The following BMP7 variants were observed in gnomAD, a reference collection of about 807,000 sequenced individuals.
BMP7 encodes osteogenic protein 1.
Under a neutral mutation model 41.2 loss-of-function variants are expected in BMP7, and 12 were observed. The ratio of observed to expected loss-of-function variants is 0.29; its 90% CI spans 0.19 to 0.47. The LOEUF (loss-of-function observed/expected upper bound fraction) is 0.47, where lower values mean the gene tolerates loss of function less well. Ranked by LOEUF, BMP7 falls within the 20% of genes least tolerant of loss-of-function variation. The probability of loss-of-function intolerance (pLI) is 0.99; values close to 1 mark genes in which losing one functional copy is unlikely to be tolerated. For missense variants in BMP7, 467 were observed against 606.0 expected (o/e 0.77, Z 2.41); for synonymous variants, 248 against 250.0 (o/e 0.99, Z 0.07).
At chr20:57,199,545 C>A (rs565244424) in intron 3 of BMP7, among the ~76,000 whole-genome samples, 4 of 152,290 alleles carry the variant, frequency 2.6e-5, no homozygotes, top group Non-Finnish European at 4.4e-5. Context: ...CTCTGAGATC[C>A]CCCACGGTGG....
intron 2 of BMP7, among the ~76,000 whole-genome samples, chr20:57,208,416 G>C (rs1199275128): frequency 6.6e-6 from 1 of 152,166 alleles, no homozygotes; most frequent in Non-Finnish European, 1.5e-5. Flanking sequence ...AGGATGACTA[G>C]AGCCAAAACC....
Position 57,183,875 on chromosome 20 carries a change from C to T in BMP7, c.805G>A (p.Gly269Arg), listed in dbSNP as rs757024706. 1.8e-5 allele frequency: 29 copies of T among 1,614,012 alleles called. No individual in the cohort carries two copies. Among genetic ancestry groups the T allele is most frequent in the Middle Eastern group, 1.6e-4 (1 of 6,084 alleles). The change falls in exon 4 of 7, where the codon GGG becomes AGG. Residue 269 changes from glycine (G) to arginine (R), a missense_variant. Physicochemically the swap from Gly to Arg is moderately radical, Grantham distance 125. This residue lies in a region of BMP7 where 407 missense variants were observed against 485.9 expected (regional missense o/e 0.84). Coordinates refer to ENST00000395863, the MANE Select transcript of BMP7 (RefSeq NM_001719.3). ...ATGAAGGGCTGCTTGTTCTGGGGCC[C>T]GTGCCGCCCAATCAGGCCCGCCAAC... The part of the protein sequence containing the change: ...PKLAGLIGRH[G>R]PQNKQPFMVA...
At chr20:57,202,739 TC>T in intron 2 of BMP7, 116 bp from the exon 3 acceptor site, 1 of 1,257,032 alleles carries the variant, frequency 8.0e-7, no homozygotes, top group Non-Finnish European at 1.1e-6. Flanking sequence ...AGTCCACTGG[TC>T]CCCGACAAGT....
In BMP7 at chr20:57,261,168, C is replaced by T. The variant is rs893320664; in HGVS notation, c.418+4537G>A. Among the ~76,000 whole-genome samples, 8 of 152,136 alleles carry T rather than the reference C, an allele frequency of 5.3e-5. No homozygotes were observed. The highest frequency in any genetic ancestry group is 1.2e-4 in the African/African-American group (5 of 41,418). ...AGGCATTCCGGTGGTGAGGGGATCG[C>T]GCACCAGCTGTGTTTATCTCGGCAA... On this transcript the variant is annotated intron_variant, in intron 1 of 6. Coordinates refer to ENST00000395863, the MANE Select transcript of BMP7 (RefSeq NM_001719.3). This position sits in a 1 kb window ranked among gnomAD's most constrained non-coding sequence, Gnocchi z 4.1.
chr20:57,185,997 A>G (rs1355244401), intron 3 of BMP7, among the ~76,000 whole-genome samples: 1 of 151,216 alleles, frequency 6.6e-6, no homozygotes, highest in East Asian at 1.9e-4. Context: ...AGCTTTGCAT[A>G]CCCTAAGTAC....
chr20:57,181,018 C>T (rs1984067230), intron 4 of BMP7, among the ~76,000 whole-genome samples: 1 of 152,216 alleles, frequency 6.6e-6, no homozygotes, highest in South Asian at 2.1e-4. Flanking sequence ...CCCCTTGCTC[C>T]CCTTGGGTGC....
Position 57,219,043 on chromosome 20 carries a change from C to T in BMP7, c.611+9186G>A, listed in dbSNP as rs1020826855. ...TGTTTGTTTGGTGGTAGCTGGCGTT[C>T]GGTGGTAGCTGGCATTTGTTTGGTG... On this transcript the variant is annotated intron_variant, in intron 2 of 6. Coordinates refer to ENST00000395863, the MANE Select transcript of BMP7 (RefSeq NM_001719.3). Among the ~76,000 whole-genome samples the T allele has an allele frequency of 4.0e-3, 508 of 126,626 alleles. 30 individuals carry two copies. Among genetic ancestry groups the T allele is most frequent in the African/African-American group, 0.016 (479 of 30,216 alleles). The allele number at this position is 126,626 out of a possible 152,430, so 83.1% of individuals were successfully genotyped here.
intron 4 of BMP7, among the ~76,000 whole-genome samples, chr20:57,180,138 T>C (rs1420095886): frequency 6.6e-6 from 1 of 152,160 alleles, no homozygotes; most frequent in Non-Finnish European, 1.5e-5. Context: ...GCACCCACCC[T>C]GTTCCTCACC....
intron 2 of BMP7, among the ~76,000 whole-genome samples, chr20:57,205,990 G>T (rs1249753335): frequency 6.6e-6 from 1 of 152,150 alleles, no homozygotes; most frequent in Non-Finnish European, 1.5e-5. Flanking sequence ...CTTTCAGACT[G>T]AGAGCCCAGG....
intron 2 of BMP7, among the ~76,000 whole-genome samples, chr20:57,219,186 G>T (rs1366471636): frequency 1.4e-5 from 2 of 142,860 alleles, no homozygotes; most frequent in African/African-American, 3.1e-5. Context: ...GCTGGTGTTT[G>T]TTCAGTGGTA....
rs1444385724 is a variant in BMP7, at chr20:57,171,292, G to A, written c.1147-184C>T. Among the ~76,000 whole-genome samples the A allele has an allele frequency of 3.3e-5, 5 of 152,220 alleles. No individual in the cohort carries two copies. Among genetic ancestry groups the A allele is most frequent in the African/African-American group, 1.2e-4 (5 of 41,454 alleles). On this transcript the variant is annotated intron_variant, in intron 6 of 6. Coordinates refer to ENST00000395863, the MANE Select transcript of BMP7 (RefSeq NM_001719.3). The surrounding 1 kb of genome is among the most constrained non-coding windows in gnomAD (Gnocchi z 4.5). ...ACAACTCAGTTCTGGGATTATCCCT[G>A]TTTTGCAGACAAGGGAACCAAAGCA...
Position 57,215,687 on chromosome 20 carries a change from C to T in BMP7, c.611+12542G>A, listed in dbSNP as rs375051252. On this transcript the variant is annotated intron_variant, in intron 2 of 6. Coordinates refer to ENST00000395863, the MANE Select transcript of BMP7 (RefSeq NM_001719.3). This position sits in a 1 kb window ranked among gnomAD's most constrained non-coding sequence, Gnocchi z 4.2. ...GAAATCCCACACGGATGGGCAGCTGCCTGCATCTGGCACTGTGGAGGTGGG... is the reference window on the plus strand; with the variant it reads ...GAAATCCCACACGGATGGGCAGCTGTCTGCATCTGGCACTGTGGAGGTGGG... 3.3e-5 allele frequency: 5 copies of T among 151,646 alleles called. No individual in the cohort carries two copies. The highest frequency in any genetic ancestry group is 9.7e-5 in the African/African-American group (4 of 41,080). The allele number at this position is 151,646 out of a possible 1,614,324, so 9.4% of individuals were successfully genotyped here.
chr20:57,221,958 C>T (rs1373318585), intron 2 of BMP7, among the ~76,000 whole-genome samples: 2 of 152,166 alleles, frequency 1.3e-5, no homozygotes, highest in African/African-American at 4.8e-5. Context: ...ATCCCTTCTC[C>T]CAGCATAGAC....
At chr20:57,196,343 C>G (rs992656485) in intron 3 of BMP7, among the ~76,000 whole-genome samples, 9 of 152,224 alleles carry the variant, frequency 5.9e-5, no homozygotes, top group Non-Finnish European at 1.0e-4. Context: ...ATCTGCATGG[C>G]TTCACCCCTA....
intron 4 of BMP7, among the ~76,000 whole-genome samples, chr20:57,178,485 TG>T (rs1568703507): frequency 6.6e-6 from 1 of 152,042 alleles, no homozygotes; most frequent in Non-Finnish European, 1.5e-5. Flanking sequence ...GAACCAGCTC[TG>T]GGGCAGCAGG....
chr20:57,260,806 G>A (rs1294853145), intron 1 of BMP7, among the ~76,000 whole-genome samples: 1 of 152,246 alleles, frequency 6.6e-6, no homozygotes, highest in Admixed American at 6.5e-5. Context: ...TTAAGGCGAA[G>A]CCTTGCAGTG....
At chr20:57,243,965 A>G (rs1235988569) in intron 1 of BMP7, 2 of 147,752 alleles carry the variant, frequency 1.4e-5, no homozygotes, top group African/African-American at 2.4e-5. Flanking sequence ...GCCGGGCGAG[A>G]GGGCGAGTCT....
Position 57,261,226 on chromosome 20 carries a change from CCCAAA to C in BMP7, c.418+4474_418+4478del, listed in dbSNP as rs1370173863. Among the ~76,000 whole-genome samples, 1 of 152,110 alleles carries C rather than the reference CCCAAA, an allele frequency of 6.6e-6. No individual in the cohort carries two copies. Among genetic ancestry groups the C allele is most frequent in the Non-Finnish European group, 1.5e-5 (1 of 68,014 alleles). ...AGAGCCTACTACGCCATGGTAAAGCCCCAAACCGTAGCTTGAGAGGGCTGCATCTC... is the reference window on the plus strand; with the variant it reads ...AGAGCCTACTACGCCATGGTAAAGCCCCGTAGCTTGAGAGGGCTGCATCTC... On this transcript the variant is annotated intron_variant, in intron 1 of 6. Coordinates refer to ENST00000395863, the MANE Select transcript of BMP7 (RefSeq NM_001719.3). The surrounding 1 kb of genome is among the most constrained non-coding windows in gnomAD (Gnocchi z 4.1).
rs1009263887 is a variant in BMP7 at position 57,175,563 on chromosome 20, T to A, written c.959-556A>T. 5.9e-5 allele frequency among the ~76,000 whole-genome samples: 9 copies of A among 152,094 alleles called. 1 individual carries two copies. Among genetic ancestry groups the A allele is most frequent in the Admixed American group, 3.9e-4 (6 of 15,272 alleles). ...CTGATGACCTTTCAGAAGAAAACAC[T>A]CCCGAGGTTTCTTTGAGTAGTGAAA... On this transcript the variant is annotated intron_variant, in intron 4 of 6. Coordinates refer to ENST00000395863, the MANE Select transcript of BMP7 (RefSeq NM_001719.3).
Sources: allele counts gnomAD v4.1 joint callset (sites outside exome capture counted in the v4.1 genomes callset), GRCh38; gene constraint gnomAD v4.1.1; regional missense constraint gnomAD v4.1.1; non-coding constraint Gnocchi (gnomAD v3.1); transcripts MANE v1.5; gene names NCBI Gene and HGNC (gene_info 2026-07-23, HGNC 2026-07-21).